Variants in TMEM40 observed in about 807,000 individuals in gnomAD.
TMEM40 encodes the protein transmembrane protein 40.
Under a neutral mutation model 40.8 loss-of-function variants are expected in TMEM40, and 34 were observed. The observed-to-expected ratio is 0.83, with a 90% CI of 0.63 to 1.11. The LOEUF (loss-of-function observed/expected upper bound fraction) is 1.11, where lower values mean the gene tolerates loss of function less well. Among genes scored for constraint, TMEM40 ranks in the 50% least tolerant of loss-of-function variants. TMEM40 has a pLI of 0.00. For missense variants in TMEM40, 296 were observed against 280.2 expected (o/e 1.06, Z -0.40); for synonymous variants, 106 against 107.0 (o/e 0.99, Z 0.06).
At chr3:12,750,582 G>A (rs936480955) in intron 1 of TMEM40, among the ~76,000 whole-genome samples, 8 of 152,122 alleles carry the variant, frequency 5.3e-5, no homozygotes, top group Admixed American at 5.2e-4. Context: ...AATCTGAGAG[G>A]AGGTAGATTT....
At chr3:12,752,285 A>C (rs181789846) in intron 1 of TMEM40, among the ~76,000 whole-genome samples, 163 of 152,248 alleles carry the variant, frequency 1.1e-3, no homozygotes, top group Non-Finnish European at 1.7e-3. Flanking sequence ...AATGCAGCCT[A>C]AGTAGGGACT....
At chr3:12,766,449 G>A (rs1272244014) in intron 1 of TMEM40, among the ~76,000 whole-genome samples, 2 of 151,944 alleles carry the variant, frequency 1.3e-5, no homozygotes, top group Non-Finnish European at 2.9e-5. Flanking sequence ...CAGAAAATTA[G>A]CCAGGCGTGG....
intron 1 of TMEM40, among the ~76,000 whole-genome samples, chr3:12,754,143 T>C (rs969921845): frequency 2.0e-4 from 30 of 152,180 alleles, no homozygotes; most frequent in African/African-American, 7.0e-4. Flanking sequence ...AAACCCCGTC[T>C]CTACTAAAAA....
At chr3:12,752,977 G>C (rs1019771872) in intron 1 of TMEM40, among the ~76,000 whole-genome samples, 3 of 152,108 alleles carry the variant, frequency 2.0e-5, no homozygotes, top group Non-Finnish European at 4.4e-5. Context: ...ACAGTCATCA[G>C]AGTGCTATGC....
In TMEM40 at chr3:12,737,741, G is replaced by C; in HGVS notation, c.438C>G (p.Ala146=). 6.2e-7 allele frequency: 1 copy of C among 1,613,990 alleles called. No homozygotes were observed. Among genetic ancestry groups the C allele is most frequent in the African/African-American group, 1.3e-5 (1 of 75,054 alleles). The change falls in exon 8 of 12, where the codon GCC becomes GCG. Residue 146 remains alanine (A), a synonymous_variant. Coordinates refer to ENST00000314124, the MANE Select transcript of TMEM40 (RefSeq NM_018306.4). Reference sequence around the variant, plus strand: ...TTATATTCAGTCTTCTTAACTGAGAGGCCTCCACTTCTCCTTAAGAACAAG... The same window carrying C: ...TTATATTCAGTCTTCTTAACTGAGACGCCTCCACTTCTCCTTAAGAACAAG... The part of the protein sequence containing the change: ...GSDPASGEVE[A]SQLRRLNIKK...
intron 1 of TMEM40, among the ~76,000 whole-genome samples, chr3:12,755,180 CTCCTTCCTTCCT>C (rs143320946): frequency 3.9e-5 from 5 of 127,912 alleles, no homozygotes; most frequent in South Asian, 2.4e-4. Context: ...TTCTCTCTCT[CTCCTTCCTTCCT>C]TCCTTCCTTT....
chr3:12,769,229 G>A, intron 1 of TMEM40: 1 of 404,724 alleles, frequency 2.5e-6, no homozygotes, highest in Non-Finnish European at 5.1e-6. Context: ...CCCGGTTCCC[G>A]CCCGTGCCTT....
chr3:12,737,913 G>A lies in TMEM40; in HGVS notation c.425-159C>T, dbSNP rs554947115. On this transcript the variant is annotated intron_variant, in intron 7 of 11. Coordinates refer to ENST00000314124, the MANE Select transcript of TMEM40 (RefSeq NM_018306.4). ...GTCAAACTGTGAAGATGGGGGTACT[G>A]TCCTTGGAACCCCCACTGACTTCCT... The A allele has an allele frequency of 1.4e-4, 127 of 913,210 alleles. 4 individuals carry two copies. In the South Asian group the frequency reaches 1.7e-3, roughly 13 times the overall value. 56.6% of individuals were successfully genotyped at this position (913,210 alleles called of 1,614,324 possible). A position where few individuals can be genotyped will look rare whatever the true frequency, so the allele number is the denominator to read the frequency against.
At chr3:12,759,309 T>A (rs966483527), upstream of TMEM40, 1 of 152,374 alleles carries the variant, frequency 6.6e-6, no homozygotes, top group African/African-American at 2.4e-5. Context: ...AGGGCGGGAC[T>A]ACCGTGACGT....
intron 1 of TMEM40, among the ~76,000 whole-genome samples, chr3:12,768,148 G>A (rs9832879): frequency 0.088 from 13,389 of 152,156 alleles, 954 homozygotes; most frequent in African/African-American, 0.2. Flanking sequence ...AGACCTTCGC[G>A]GTGAGTGTTA....
intron 8 of TMEM40, 124 bp from the exon 9 acceptor site, chr3:12,736,959 G>T: frequency 2.5e-6 from 3 of 1,211,724 alleles, no homozygotes; most frequent in South Asian, 1.3e-5. Context: ...GCTCATTGCA[G>T]CCTTGAAGTC....
At chr3:12,737,178 C>T (rs2061343860) in intron 8 of TMEM40, among the ~76,000 whole-genome samples, 1 of 151,330 alleles carries the variant, frequency 6.6e-6, no homozygotes, top group South Asian at 2.1e-4. Context: ...CCATGCCTGG[C>T]CTCTTTTTTT....
chr3:12,765,103 T>C (rs2106624930), intron 1 of TMEM40, among the ~76,000 whole-genome samples: 1 of 152,142 alleles, frequency 6.6e-6, no homozygotes, highest in East Asian at 1.9e-4. Context: ...GTAATCCACC[T>C]CCCTTGGCCT....
upstream of TMEM40, among the ~76,000 whole-genome samples, chr3:12,764,252 C>A: frequency 6.6e-6 from 1 of 152,202 alleles, no homozygotes. Flanking sequence ...TCTGTGAGGG[C>A]AGCACCTGTC....
At chr3:12,754,116 T>C (rs1559532513) in intron 1 of TMEM40, among the ~76,000 whole-genome samples, 2 of 152,112 alleles carry the variant, frequency 1.3e-5, no homozygotes, top group South Asian at 2.1e-4. Flanking sequence ...ATCGAGACCA[T>C]CCTGGCTAAC....
At chr3:12,743,220 C>A (rs1027401605) in intron 4 of TMEM40, among the ~76,000 whole-genome samples, 3 of 152,188 alleles carry the variant, frequency 2.0e-5, no homozygotes, top group Non-Finnish European at 2.9e-5. Context: ...GTAATCCCAG[C>A]ACTTTGGGAG....
In TMEM40 at chr3:12,736,782, A is replaced by C; in HGVS notation, c.526T>G (p.Cys176Gly). The C allele has an allele frequency of 6.2e-7, 1 of 1,614,112 alleles. No individual in the cohort carries two copies. ...LCFAIGALLV[C>G]YHYYADWFMS... ...CCCTCACCTGCGTAATAGTGATAACACACCAGCAAGGCCCCGATGGCAAAG... is the reference window on the plus strand; with the variant it reads ...CCCTCACCTGCGTAATAGTGATAACCCACCAGCAAGGCCCCGATGGCAAAG... The change falls in exon 9 of 12, where the codon TGT becomes GGT. Residue 176 changes from cysteine to glycine, a missense_variant. Transcript: ENST00000314124.
intron 10 of TMEM40, among the ~76,000 whole-genome samples, chr3:12,736,363 TG>T (rs1484052974): frequency 6.6e-6 from 1 of 152,126 alleles, no homozygotes; most frequent in East Asian, 1.9e-4. Flanking sequence ...TTGGTCAAGC[TG>T]GTCTCAAACT....
chr3:12,765,426 G>A (rs766063367), intron 1 of TMEM40, among the ~76,000 whole-genome samples: 4 of 152,088 alleles, frequency 2.6e-5, no homozygotes, highest in Non-Finnish European at 5.9e-5. Context: ...GAAGAGCCCA[G>A]GGGTGCCAGA....
Sources: gnomAD v4.1 joint callset for allele counts (sites outside exome capture counted in the v4.1 genomes callset) on GRCh38, gnomAD v4.1.1 for gene constraint, MANE v1.5 for transcripts, NCBI Gene and HGNC (gene_info 2026-07-23, HGNC 2026-07-21) for gene names.